The following FRMD3 variants were observed in gnomAD, a reference collection of about 807,000 sequenced individuals.
FRMD3 encodes the protein FERM domain-containing protein 3.
Under a neutral mutation model 70.2 loss-of-function variants are expected in FRMD3, and 33 were observed. The observed-to-expected ratio is 0.47, with a 90% confidence interval of 0.36 to 0.63. The LOEUF (loss-of-function observed/expected upper bound fraction) is 0.63, where lower values mean the gene tolerates loss of function less well. FRMD3 is among the 20% of genes least tolerant of loss of function. The pLI, the probability that FRMD3 is intolerant of heterozygous loss-of-function variation, is 0.00. For missense variants in FRMD3, 632 were observed against 711.4 expected (o/e 0.89, Z 1.27); for synonymous variants, 279 against 255.9 (o/e 1.09, Z -0.86).
chr9:83,572,791 A>G, the FRMD3 span, among the ~76,000 whole-genome samples: 8 of 152,200 alleles, frequency 5.3e-5, no homozygotes, highest in African/African-American at 1.9e-4. Flanking sequence ...GCAATGAAGC[A>G]AGAGAAAAGC....
chr9:83,575,876 T>C, the FRMD3 span, among the ~76,000 whole-genome samples: 2 of 152,040 alleles, frequency 1.3e-5, no homozygotes, highest in African/African-American at 4.8e-5. Context: ...AATAGAAAAG[T>C]AGGGAATTCT....
At position 83,360,034 on chromosome 9, in the gene FRMD3, G is replaced by T. The variant is rs747868536; in HGVS notation, c.296-10277C>A. On this transcript the variant is annotated intron_variant, in intron 3 of 13. Coordinates refer to ENST00000304195, the MANE Select transcript of FRMD3 (RefSeq NM_174938.6). ...GGGCACTGTCATCTCTCAGGGAGGA[G>T]TGAGGAAGAAGTGGGCATGAGACAG... 3.3e-5 allele frequency among the ~76,000 whole-genome samples: 5 copies of T among 152,202 alleles called. No individual in the cohort carries two copies. The South Asian group carries it at 1.0e-3, about 32-fold the overall frequency.
the FRMD3 span, among the ~76,000 whole-genome samples, chr9:83,565,586 C>T: frequency 6.6e-6 from 1 of 152,202 alleles, no homozygotes; most frequent in African/African-American, 2.4e-5. Flanking sequence ...TTTACACCTG[C>T]AAAGATACTG....
chr9:83,461,276 A>G (rs570538066), intron 1 of FRMD3, among the ~76,000 whole-genome samples: 1 of 152,312 alleles, frequency 6.6e-6, no homozygotes, highest in African/African-American at 2.4e-5. Flanking sequence ...CAGGGGCCAC[A>G]AGCCAAGGAA....
At chr9:83,585,331 G>GCAGT in the FRMD3 span, among the ~76,000 whole-genome samples, 5 of 152,230 alleles carry the variant, frequency 3.3e-5, no homozygotes, top group African/African-American at 7.2e-5. Context: ...CAGTAAGGGG[G>GCAGT]CAGTCTTGGA....
intron 1 of FRMD3, among the ~76,000 whole-genome samples, chr9:83,477,111 A>G (rs1013930500): frequency 2.0e-5 from 3 of 152,340 alleles, no homozygotes; most frequent in African/African-American, 7.2e-5. Flanking sequence ...TGCAGCAGCA[A>G]CAGCATCACC....
chr9:83,323,968 T>G (rs1325535257), intron 6 of FRMD3, among the ~76,000 whole-genome samples: 1 of 152,338 alleles, frequency 6.6e-6, no homozygotes, highest in Admixed American at 6.5e-5. Flanking sequence ...GTCCTGTACA[T>G]GTACCTTAGG....
chr9:83,541,281 T>A (rs1999397), upstream of FRMD3, among the ~76,000 whole-genome samples: 1 of 152,116 alleles, frequency 6.6e-6, no homozygotes, highest in African/African-American at 2.4e-5. Context: ...AGAGTATATG[T>A]GTGAATAAAC....
At chr9:83,375,926 A>C (rs953336681) in intron 2 of FRMD3, among the ~76,000 whole-genome samples, 1 of 152,126 alleles carries the variant, frequency 6.6e-6, no homozygotes, top group Admixed American at 6.5e-5. Flanking sequence ...TTGGGAGGCC[A>C]AGGTGGGTGG....
chr9:83,539,142 C>T (rs1829966213), upstream of FRMD3, among the ~76,000 whole-genome samples: 1 of 152,212 alleles, frequency 6.6e-6, no homozygotes, highest in Non-Finnish European at 1.5e-5. Context: ...CCCTGCTTTA[C>T]AGACCTCCTC....
At chr9:83,442,980 G>A (rs1391332666) in intron 1 of FRMD3, among the ~76,000 whole-genome samples, 1 of 152,096 alleles carries the variant, frequency 6.6e-6, no homozygotes, top group Non-Finnish European at 1.5e-5. Context: ...AATCTATGGA[G>A]ATATGAATGT....
chr9:83,246,622 G>A lies in FRMD3; in HGVS notation c.*1296C>T. 1.0e-6 allele frequency: 1 copy of A among 981,938 alleles called. No homozygotes were observed. Among genetic ancestry groups the A allele is most frequent in the Non-Finnish European group, 1.2e-6 (1 of 828,718 alleles). The allele number at this position is 981,938 out of a possible 1,614,324, so 60.8% of individuals were successfully genotyped here. A position where few individuals can be genotyped will look rare whatever the true frequency, so the allele number is the denominator to read the frequency against. ...CACCGCAAAACATGATCATGGACAT[G>A]TATCAAAAAGCCATTCATATTCTCT... On this transcript the variant is annotated 3_prime_UTR_variant, in exon 14 of 14. Transcript: ENST00000304195.
At chr9:83,512,766 C>T (rs545998843) in intron 1 of FRMD3, among the ~76,000 whole-genome samples, 13 of 152,290 alleles carry the variant, frequency 8.5e-5, no homozygotes, top group African/African-American at 3.1e-4. Flanking sequence ...TGGGAGGAAT[C>T]TTACACTTCC....
At chr9:83,546,373 CA>C in the FRMD3 span, among the ~76,000 whole-genome samples, 2 of 151,802 alleles carry the variant, frequency 1.3e-5, no homozygotes, top group Non-Finnish European at 2.9e-5. Context: ...CAAAACAAAA[CA>C]AAAAAACTGT....
chr9:83,514,577 G>C (rs1829413342), intron 1 of FRMD3, among the ~76,000 whole-genome samples: 1 of 152,210 alleles, frequency 6.6e-6, no homozygotes, highest in Non-Finnish European at 1.5e-5. Context: ...ACTCTGAAGA[G>C]AGCAGGGATC....
chr9:83,303,541 C>T (rs1260414212), intron 10 of FRMD3, among the ~76,000 whole-genome samples: 2 of 152,140 alleles, frequency 1.3e-5, no homozygotes, highest in African/African-American at 4.8e-5. Context: ...TCCAAAAAAT[C>T]CCGGGAGTGA....
At chr9:83,357,229 TATATATATAATACATAC>T (rs1239958476) in intron 3 of FRMD3, among the ~76,000 whole-genome samples, 3 of 12,966 alleles carry the variant, frequency 2.3e-4, no homozygotes, top group East Asian at 0.017. Context: ...ATATATTTTA[TATATATATAATACATAC>T]ATATATATAT....
chr9:83,507,790 A>AT (rs1829237935), intron 1 of FRMD3, among the ~76,000 whole-genome samples: 1 of 138,078 alleles, frequency 7.2e-6, no homozygotes, highest in East Asian at 2.2e-4. Context: ...TACAGTTAAC[A>AT]TTTTGTATAT....
At chr9:83,266,650 G>T (rs1039719405) in intron 13 of FRMD3, among the ~76,000 whole-genome samples, 6 of 152,124 alleles carry the variant, frequency 3.9e-5, no homozygotes, top group African/African-American at 1.4e-4. Context: ...GAAAGGAGGG[G>T]GAGCGTGTTG....
Sources: allele counts gnomAD v4.1 joint callset (sites outside exome capture counted in the v4.1 genomes callset), GRCh38; gene constraint gnomAD v4.1.1; transcripts MANE v1.5; gene names NCBI Gene and HGNC (gene_info 2026-07-23, HGNC 2026-07-21).